Variants in CAST observed in about 807,000 individuals in gnomAD.
CAST encodes the protein MIR583 host.
In CAST, 76 loss-of-function variants were observed where a neutral mutation model predicts 119.6. That is an observed-to-expected ratio of 0.64 (90% confidence interval 0.53 to 0.77). The LOEUF (loss-of-function observed/expected upper bound fraction) is 0.77. Among genes scored for constraint, CAST ranks in the 30% least tolerant of loss-of-function variants. CAST has a pLI of 0.00. For missense variants in CAST, 953 were observed against 946.5 expected (o/e 1.01, Z -0.09); for synonymous variants, 319 against 331.6 (o/e 0.96, Z 0.41).
the CAST span, among the ~76,000 whole-genome samples, chr5:96,286,019 G>C: frequency 2.6e-5 from 4 of 152,182 alleles, no homozygotes; most frequent in African/African-American, 9.6e-5. Context: ...AGGCTGAAAA[G>C]CTAGTTGCAG....
At chr5:96,514,780 C>T in the CAST span, among the ~76,000 whole-genome samples, 61 of 152,234 alleles carry the variant, frequency 4.0e-4, no homozygotes, top group Admixed American at 9.8e-4. Flanking sequence ...GTGTCTCGCT[C>T]TATTGCCCAG....
At chr5:96,442,262 A>C in the CAST span, among the ~76,000 whole-genome samples, 1 of 152,248 alleles carries the variant, frequency 6.6e-6, no homozygotes, top group East Asian at 1.9e-4. Flanking sequence ...CAGCTTCCTC[A>C]TGAAACAGAG....
the CAST span, among the ~76,000 whole-genome samples, chr5:96,344,086 C>A: frequency 6.6e-6 from 1 of 152,178 alleles, no homozygotes. Context: ...AACTAATAGT[C>A]CTGCCTTTGT....
chr5:96,341,979 CT>C, the CAST span, among the ~76,000 whole-genome samples: 2 of 152,140 alleles, frequency 1.3e-5, no homozygotes, highest in African/African-American at 4.8e-5. Flanking sequence ...ATAAAATCAA[CT>C]CAAATCCCCT....
At chr5:96,635,663 T>C (rs963888353) in intron 1 of CAST, among the ~76,000 whole-genome samples, 1 of 152,218 alleles carries the variant, frequency 6.6e-6, no homozygotes, top group African/African-American at 2.4e-5. Context: ...CCCTGTGCAT[T>C]TGTTCTGTCC....
intron 24 of CAST, 35 bp downstream of exon 24, chr5:96,757,689 T>A: frequency 1.6e-6 from 2 of 1,227,236 alleles, no homozygotes; most frequent in Non-Finnish European, 2.3e-6. Context: ...TTTCTTTAGT[T>A]TTTTTTTTTT....
At chr5:96,593,375 T>G (rs187766842) in intron 1 of CAST, among the ~76,000 whole-genome samples, 1 of 152,370 alleles carries the variant, frequency 6.6e-6, no homozygotes, top group African/African-American at 2.4e-5. Context: ...TAGAGGGTAT[T>G]GCCATCAGGA....
intron 16 of CAST, among the ~76,000 whole-genome samples, chr5:96,744,043 A>G (rs568825483): frequency 2.6e-4 from 40 of 152,340 alleles, no homozygotes; most frequent in Non-Finnish European, 4.9e-4. Context: ...AAAAGTGACT[A>G]AAAGCAGATA....
chr5:96,175,643 G>A, the CAST span, among the ~76,000 whole-genome samples: 5 of 152,258 alleles, frequency 3.3e-5, no homozygotes, highest in East Asian at 1.9e-4. Context: ...AAAGCGTGAC[G>A]TTGTTGCTGT....
At chr5:96,507,990 C>CATT in the CAST span, among the ~76,000 whole-genome samples, 17,989 of 142,020 alleles carry the variant, frequency 0.13, 1,166 homozygotes, top group South Asian at 0.23. Context: ...ATATCCCTGA[C>CATT]ATTATTATTA....
At chr5:96,355,232 C>T in the CAST span, among the ~76,000 whole-genome samples, 1 of 151,460 alleles carries the variant, frequency 6.6e-6, no homozygotes, top group Admixed American at 6.6e-5. Flanking sequence ...TCCCTGTGTC[C>T]ATGTGTTCTC....
At chr5:96,317,382 C>T in the CAST span, among the ~76,000 whole-genome samples, 11 of 142,412 alleles carry the variant, frequency 7.7e-5, no homozygotes, top group Admixed American at 5.3e-4. Flanking sequence ...GAGGCTGAGG[C>T]AGGAGAATCG....
At chr5:96,634,881 A>G (rs1747867044) in intron 1 of CAST, among the ~76,000 whole-genome samples, 2 of 152,262 alleles carry the variant, frequency 1.3e-5, no homozygotes, top group Admixed American at 1.3e-4. Flanking sequence ...GATTTGGGAG[A>G]TTCAGAAGAG....
chr5:96,016,191 C>T, the CAST span, among the ~76,000 whole-genome samples: 3 of 152,348 alleles, frequency 2.0e-5, no homozygotes, highest in South Asian at 2.1e-4. Context: ...CTTTGCCAGC[C>T]TCACAATCAT....
chr5:96,218,795 G>C, the CAST span, among the ~76,000 whole-genome samples: 2 of 152,246 alleles, frequency 1.3e-5, no homozygotes, highest in Non-Finnish European at 2.9e-5. Flanking sequence ...GGTCTGGCAA[G>C]TGTGACACTA....
chr5:96,002,443 G>A, the CAST span, among the ~76,000 whole-genome samples: 1 of 152,196 alleles, frequency 6.6e-6, no homozygotes, highest in Non-Finnish European at 1.5e-5. Flanking sequence ...ATGGCCAATG[G>A]CTGCTCCAGT....
chr5:96,212,337 A>C, the CAST span, among the ~76,000 whole-genome samples: 1 of 152,118 alleles, frequency 6.6e-6, no homozygotes, highest in Admixed American at 6.6e-5. Context: ...TTTCATTTTT[A>C]TTCAGTTCTT....
At chr5:95,975,638 C>T in the CAST span, among the ~76,000 whole-genome samples, 4 of 152,052 alleles carry the variant, frequency 2.6e-5, no homozygotes, top group African/African-American at 4.8e-5. Context: ...TTTAGATTCC[C>T]TAGGTGTGAA....
intron 1 of CAST, among the ~76,000 whole-genome samples, chr5:96,553,623 T>A (rs1746177815): frequency 6.6e-6 from 1 of 152,216 alleles, no homozygotes; most frequent in African/African-American, 2.4e-5. Context: ...TGTCTCTGTT[T>A]GCAGATGACA....
Sources: allele counts gnomAD v4.1 joint callset (sites outside exome capture counted in the v4.1 genomes callset), GRCh38; gene constraint gnomAD v4.1.1; transcripts MANE v1.5; gene names NCBI Gene and HGNC (gene_info 2026-07-23, HGNC 2026-07-21).